CSMD1: variants seen among roughly 807,000 people sequenced by gnomAD.
CSMD1 encodes the protein CUB and sushi domain-containing protein 1.
In CSMD1, 213 loss-of-function variants were observed where a neutral mutation model predicts 417.5. The observed-to-expected ratio is 0.51, with a 90% CI of 0.46 to 0.57. The LOEUF (loss-of-function observed/expected upper bound fraction) is 0.57. CSMD1 is among the 20% of genes least tolerant of loss of function. The pLI, the probability that CSMD1 is intolerant of heterozygous loss-of-function variation, is 0.00. For synonymous variants in CSMD1, 2,862 were observed against 1,736.8 expected (o/e 1.65, Z -16.11); for missense variants, 6,923 against 4,529.7 (o/e 1.53, Z -15.17).
intron 1 of CSMD1, among the ~76,000 whole-genome samples, chr8:4,892,316 G>C (rs1804173491): frequency 6.6e-6 from 1 of 152,040 alleles, no homozygotes; most frequent in African/African-American, 2.4e-5. Flanking sequence ...TACTCAGATG[G>C]TTGATACTTA....
intron 3 of CSMD1, among the ~76,000 whole-genome samples, chr8:4,216,552 G>A (rs1204191520): frequency 5.3e-5 from 8 of 152,104 alleles, no homozygotes; most frequent in Admixed American, 1.3e-4. Flanking sequence ...AAAGAACCCG[G>A]CCTGAGTCTG....
chr8:4,941,852 A>G (rs1808025527), intron 1 of CSMD1, among the ~76,000 whole-genome samples: 1 of 152,116 alleles, frequency 6.6e-6, no homozygotes, highest in African/African-American at 2.4e-5. Flanking sequence ...CTCCCACCTC[A>G]GCCTACCAAA....
intron 37 of CSMD1, among the ~76,000 whole-genome samples, chr8:3,166,855 G>C (rs1038823358): frequency 6.6e-5 from 10 of 152,158 alleles, no homozygotes; most frequent in African/African-American, 2.4e-4. Context: ...AGAGATATCT[G>C]GGAAAAAGTA....
intron 38 of CSMD1, among the ~76,000 whole-genome samples, chr8:3,161,488 G>C (rs943463037): frequency 7.9e-5 from 12 of 151,852 alleles, no homozygotes; most frequent in East Asian, 1.9e-4. Context: ...GTGGTGGCAG[G>C]TGCCTGTAAT....
chr8:4,274,965 G>A (rs1585139570), intron 3 of CSMD1, among the ~76,000 whole-genome samples: 1 of 152,150 alleles, frequency 6.6e-6, no homozygotes, highest in Non-Finnish European at 1.5e-5. Flanking sequence ...AAACATGCTT[G>A]TAGCTGAGCA....
At chr8:3,400,047 A>C (rs537899958) in intron 15 of CSMD1, among the ~76,000 whole-genome samples, 1 of 152,324 alleles carries the variant, frequency 6.6e-6, no homozygotes, top group Non-Finnish European at 1.5e-5. Context: ...CAAAATGTTC[A>C]ATCAAATTTG....
chr8:4,216,484 T>C (rs1471894981), intron 3 of CSMD1, among the ~76,000 whole-genome samples: 1 of 152,182 alleles, frequency 6.6e-6, no homozygotes, highest in Non-Finnish European at 1.5e-5. Context: ...AAAATTTTAC[T>C]CATTAATAGA....
intron 5 of CSMD1, 63 bp downstream of exon 5, chr8:3,997,840 G>T (rs1164837512): frequency 1.4e-6 from 2 of 1,403,392 alleles, no homozygotes; most frequent in Non-Finnish European, 1.9e-6. Context: ...CTTGAAGCTC[G>T]TTGGGGGAAA....
intron 26 of CSMD1, among the ~76,000 whole-genome samples, chr8:3,249,890 G>A (rs554284133): frequency 1.6e-3 from 236 of 152,234 alleles, no homozygotes; most frequent in Non-Finnish European, 2.7e-3. Context: ...GATCGAAAAT[G>A]CTATTGCAAA....
intron 3 of CSMD1, among the ~76,000 whole-genome samples, chr8:4,288,464 C>T (rs768467878): frequency 1.3e-5 from 2 of 152,196 alleles, no homozygotes; most frequent in African/African-American, 2.4e-5. Flanking sequence ...TTCTCCTGTA[C>T]TGCTGACGAT....
At chr8:4,810,573 T>G (rs947754152) in intron 1 of CSMD1, among the ~76,000 whole-genome samples, 1 of 151,678 alleles carries the variant, frequency 6.6e-6, no homozygotes, top group Non-Finnish European at 1.5e-5. Flanking sequence ...ATGTGGGGGG[T>G]GGTGGCTGTG....
At chr8:3,277,526 G>C (rs1375195508) in intron 26 of CSMD1, among the ~76,000 whole-genome samples, 5 of 152,128 alleles carry the variant, frequency 3.3e-5, no homozygotes, top group African/African-American at 7.2e-5. Context: ...TGTGTGGTGT[G>C]AGATCTACAG....
intron 7 of CSMD1, among the ~76,000 whole-genome samples, chr8:3,619,973 G>T (rs550045442): frequency 2.6e-5 from 4 of 152,090 alleles, no homozygotes; most frequent in South Asian, 4.1e-4. Context: ...ATGGTGGCAG[G>T]CACCTGTAAT....
chr8:4,011,680 G>A (rs535005811), intron 4 of CSMD1, among the ~76,000 whole-genome samples: 23 of 152,138 alleles, frequency 1.5e-4, no homozygotes, highest in Middle Eastern at 3.4e-3. Context: ...TTTAAACTAC[G>A]AAATAATTAG....
chr8:3,373,226 T>G (rs902624153), intron 18 of CSMD1: 1 of 152,204 alleles, frequency 6.6e-6, no homozygotes, highest in Non-Finnish European at 1.5e-5. Context: ...GAAAAGTTAC[T>G]TGATCATTTA....
intron 3 of CSMD1, among the ~76,000 whole-genome samples, chr8:4,198,448 G>C (rs773237243): frequency 1.2e-4 from 18 of 152,176 alleles, no homozygotes; most frequent in Non-Finnish European, 2.2e-4. Flanking sequence ...TGGTGGTTAG[G>C]TAAAATATGG....
intron 5 of CSMD1, among the ~76,000 whole-genome samples, chr8:3,825,008 T>G (rs898101805): frequency 6.6e-6 from 1 of 152,180 alleles, no homozygotes; most frequent in Non-Finnish European, 1.5e-5. Context: ...AAATATGAAA[T>G]GTGGCAGGAA....
intron 5 of CSMD1, among the ~76,000 whole-genome samples, chr8:3,861,826 A>C (rs1382968777): frequency 6.6e-6 from 1 of 152,120 alleles, no homozygotes; most frequent in Non-Finnish European, 1.5e-5. Context: ...TACAGATGTG[A>C]CCTATGAAGC....
intron 2 of CSMD1, among the ~76,000 whole-genome samples, chr8:4,443,098 A>C (rs1424240624): frequency 6.6e-6 from 1 of 152,200 alleles, no homozygotes; most frequent in Non-Finnish European, 1.5e-5. Flanking sequence ...TTACTTTCTG[A>C]ATATAAAAGG....
Sources: gnomAD v4.1 joint callset for allele counts (sites outside exome capture counted in the v4.1 genomes callset) on GRCh38, gnomAD v4.1.1 for gene constraint, MANE v1.5 for transcripts, NCBI Gene and HGNC (gene_info 2026-07-23, HGNC 2026-07-21) for gene names.